The following DIAPH3 variants were observed in gnomAD, a reference collection of about 807,000 sequenced individuals.
DIAPH3 encodes diaphanous related formin 3.
A neutral mutation model predicts 144.3 loss-of-function variants in DIAPH3; 117 were observed. The ratio of observed to expected loss-of-function variants is 0.81; its 90% confidence interval spans 0.70 to 0.95. The LOEUF is 0.95. Ranked by LOEUF, DIAPH3 falls within the 40% of genes least tolerant of loss-of-function variation. DIAPH3 has a pLI of 0.00. For synonymous variants in DIAPH3, 519 were observed against 488.9 expected, an observed-to-expected ratio of 1.06 and a Z score of -0.81; for missense variants, 1,421 against 1,412.7, an observed-to-expected ratio of 1.01 and a Z score of -0.09.
chr13:60,119,837 T>C (rs938623900), intron 2 of DIAPH3, among the ~76,000 whole-genome samples: 2 of 150,784 alleles, frequency 1.3e-5, no homozygotes, highest in African/African-American at 4.9e-5. Flanking sequence ...TACCAACAGA[T>C]AACGATTATA....
chr13:59,768,012 C>A (rs1162502182), intron 27 of DIAPH3, among the ~76,000 whole-genome samples: 1 of 152,130 alleles, frequency 6.6e-6, no homozygotes, highest in Non-Finnish European at 1.5e-5. Flanking sequence ...TAGGCAGGAG[C>A]CCTGCTGAGT....
At chr13:59,862,879 C>T (rs1280229327) in intron 21 of DIAPH3, among the ~76,000 whole-genome samples, 1 of 152,040 alleles carries the variant, frequency 6.6e-6, no homozygotes, top group East Asian at 1.9e-4. Flanking sequence ...GACATTTTTG[C>T]TCTCCAAGAA....
At chr13:60,004,324 T>G (rs916640317) in intron 9 of DIAPH3, among the ~76,000 whole-genome samples, 1 of 152,178 alleles carries the variant, frequency 6.6e-6, no homozygotes, top group African/African-American at 2.4e-5. Context: ...TTACTTTATT[T>G]GTGGAAAATT....
intron 17 of DIAPH3, among the ~76,000 whole-genome samples, chr13:59,933,464 G>C (rs750902495): frequency 1.3e-5 from 2 of 152,192 alleles, no homozygotes; most frequent in Non-Finnish European, 2.9e-5. Flanking sequence ...TCAAACCCAT[G>C]AATCGGTGGA....
At position 59,774,778 on chromosome 13, in the gene DIAPH3, TG is replaced by T. The variant is rs751075566; in HGVS notation, c.3208del (p.Gln1070SerfsTer32). 78 of 1,614,086 alleles carry T rather than the reference TG, an allele frequency of 4.8e-5. No individual in the cohort carries two copies. The highest frequency in any genetic ancestry group is 5.8e-5 in the Non-Finnish European group (69 of 1,180,046). Reference protein sequence around the residue: ...GVMDNLLEALQSGAAFRDRRK... With the variant: ...GVMDNLLEALXSGAAFRDRRK... ...TCTGTCGCGGAAGGCAGCCCCGGAC[TG>T]CAAGGCCTCCAGCAGATTATCCATC... is the stretch of plus-strand genomic sequence containing the variant. On this transcript the variant is annotated frameshift_variant, in exon 26 of 28. Coordinates refer to ENST00000400324, the MANE Select transcript of DIAPH3 (RefSeq NM_001042517.2). LOFTEE classifies it high-confidence loss of function.
chr13:59,890,539 T>A (rs2086404902), intron 20 of DIAPH3, among the ~76,000 whole-genome samples: 1 of 151,968 alleles, frequency 6.6e-6, no homozygotes. Flanking sequence ...GATGTTGATG[T>A]CAACGTAATT....
intron 25 of DIAPH3, among the ~76,000 whole-genome samples, chr13:59,785,347 T>C (rs988631984): frequency 3.3e-5 from 5 of 152,168 alleles, no homozygotes; most frequent in African/African-American, 1.2e-4. Flanking sequence ...GAAAGGAAGT[T>C]TTATTTATTT....
intron 27 of DIAPH3, among the ~76,000 whole-genome samples, chr13:59,720,486 T>C (rs1313397007): frequency 6.6e-6 from 1 of 152,182 alleles, no homozygotes; most frequent in African/African-American, 2.4e-5. Flanking sequence ...TTAATAAACA[T>C]GGGCAATGTG....
chr13:59,957,800 T>C (rs1195725921), intron 17 of DIAPH3, among the ~76,000 whole-genome samples: 1 of 152,158 alleles, frequency 6.6e-6, no homozygotes, highest in East Asian at 1.9e-4. Context: ...ATAAAATCTC[T>C]AAAGACTAAT....
At chr13:60,005,035 C>A (rs760088728) in intron 9 of DIAPH3, among the ~76,000 whole-genome samples, 3 of 152,142 alleles carry the variant, frequency 2.0e-5, no homozygotes, top group Non-Finnish European at 2.9e-5. Context: ...GGCAAATAAG[C>A]AGTAGTTTAA....
intron 1 of DIAPH3, among the ~76,000 whole-genome samples, chr13:60,156,113 T>G (rs1326303460): frequency 6.6e-6 from 1 of 152,218 alleles, no homozygotes; most frequent in East Asian, 1.9e-4. Context: ...CTGCTCTCCT[T>G]CTAGAAGCTC....
chr13:59,911,602 T>TA (rs1208318824), intron 20 of DIAPH3, 133 bp downstream of exon 20: 23 of 711,254 alleles, frequency 3.2e-5, no homozygotes, highest in Non-Finnish European at 4.0e-5. Context: ...ATCCTTAAGT[T>TA]AAAAAAAAGT....
intron 21 of DIAPH3, among the ~76,000 whole-genome samples, chr13:59,866,021 A>T (rs1475727949): frequency 1.3e-5 from 2 of 151,972 alleles, no homozygotes; most frequent in Admixed American, 1.3e-4. Flanking sequence ...GAATATTTAG[A>T]TGTTTAGATG....
chr13:59,941,563 C>T (rs2140384958), intron 17 of DIAPH3, among the ~76,000 whole-genome samples: 1 of 152,266 alleles, frequency 6.6e-6, no homozygotes, highest in Non-Finnish European at 1.5e-5. Flanking sequence ...AAGCCTCTAC[C>T]AATATGGGGC....
intron 1 of DIAPH3, 59 bp downstream of exon 1, chr13:60,163,528 G>A (rs1013824892): frequency 6.3e-7 from 1 of 1,580,260 alleles, no homozygotes; most frequent in African/African-American, 1.4e-5. Context: ...GCCCACCCTC[G>A]GCAGTCAGCC....
chr13:59,819,038 C>A (rs1160191502), intron 24 of DIAPH3, among the ~76,000 whole-genome samples: 1 of 151,800 alleles, frequency 6.6e-6, no homozygotes, highest in African/African-American at 2.4e-5. Flanking sequence ...TTTCACCAAA[C>A]AATCCCTTGT....
At chr13:59,782,761 A>G (rs1482707985) in intron 25 of DIAPH3, among the ~76,000 whole-genome samples, 3 of 152,160 alleles carry the variant, frequency 2.0e-5, no homozygotes, top group African/African-American at 7.2e-5. Flanking sequence ...CAGAGGGAGA[A>G]GGAACAGCAG....
intron 13 of DIAPH3, among the ~76,000 whole-genome samples, chr13:59,981,784 C>T (rs2051037936): frequency 6.6e-6 from 1 of 151,300 alleles, no homozygotes; most frequent in Non-Finnish European, 1.5e-5. Flanking sequence ...ATTACCATTT[C>T]TATACTAGAT....
At chr13:60,012,226 G>A (rs1210488680) in intron 7 of DIAPH3, among the ~76,000 whole-genome samples, 1 of 152,028 alleles carries the variant, frequency 6.6e-6, no homozygotes, top group Non-Finnish European at 1.5e-5. Context: ...CCTTGTACTG[G>A]GCTGAAATAC....
Sources: gnomAD v4.1 joint callset for allele counts (sites outside exome capture counted in the v4.1 genomes callset) on GRCh38, gnomAD v4.1.1 for gene constraint, MANE v1.5 for transcripts, NCBI Gene and HGNC (gene_info 2026-07-23, HGNC 2026-07-21) for gene names.